Variants in DYNC1I1 observed in about 807,000 individuals in gnomAD.
DYNC1I1 encodes dynein cytoplasmic 1 intermediate chain 1.
In DYNC1I1, 43 loss-of-function variants were observed where a neutral mutation model predicts 86.6. The observed-to-expected ratio is 0.50, with a 90% CI of 0.39 to 0.64. The LOEUF (loss-of-function observed/expected upper bound fraction) is 0.64. Ranked by LOEUF, DYNC1I1 falls within the 30% of genes least tolerant of loss-of-function variation. The pLI is 0.00. For synonymous variants in DYNC1I1, 262 were observed against 283.7 expected, an observed-to-expected ratio of 0.92 and a Z score of 0.77; for missense variants, 604 against 788.8, an observed-to-expected ratio of 0.77 and a Z score of 2.81.
Position 96,098,285 on chromosome 7 carries a change from T to C in DYNC1I1, c.*692T>C. 2.0e-6 allele frequency: 2 copies of C among 985,892 alleles called. No homozygotes were observed. Among genetic ancestry groups the C allele is most frequent in the Non-Finnish European group, 2.4e-6 (2 of 829,946 alleles). 61.1% of individuals were successfully genotyped at this position (985,892 alleles called of 1,614,324 possible). A position where few individuals can be genotyped will look rare whatever the true frequency, so the allele number is the denominator to read the frequency against. ...TTGCAGTGAACGAAATGAATTTTAA[T>C]GCCTATTATTTCTGGGTACTTTAAC... On this transcript the variant is annotated 3_prime_UTR_variant, in exon 17 of 17. Coordinates refer to ENST00000447467, the MANE Select transcript of DYNC1I1 (RefSeq NM_001135556.2).
At chr7:96,023,257 T>A (rs555628683) in intron 10 of DYNC1I1, among the ~76,000 whole-genome samples, 3 of 152,132 alleles carry the variant, frequency 2.0e-5, no homozygotes, top group Non-Finnish European at 4.4e-5. Context: ...CTGAGGACCA[T>A]CCTCTCCCCA....
chr7:95,807,152 T>G (rs953335594), intron 2 of DYNC1I1, among the ~76,000 whole-genome samples: 1 of 152,276 alleles, frequency 6.6e-6, no homozygotes, highest in African/African-American at 2.4e-5. Flanking sequence ...ACATACATTT[T>G]TAGGATCTCT....
chr7:95,969,988 G>A lies in DYNC1I1; in HGVS notation c.491-7524G>A, dbSNP rs554058314. On this transcript the variant is annotated intron_variant, in intron 6 of 16. Coordinates refer to ENST00000447467, the MANE Select transcript of DYNC1I1 (RefSeq NM_001135556.2). ...TGTCTTTCCTGCATATTTTTAAAGC[G>A]TAGAGGCGCTCACCTTGGTTTGTGT... Among the ~76,000 whole-genome samples, 8 of 152,126 alleles carry A rather than the reference G, an allele frequency of 5.3e-5. No homozygotes were observed. The South Asian group carries it at 6.2e-4, about 12-fold the overall frequency.
At chr7:96,033,396 A>G (rs1204359437) in intron 12 of DYNC1I1, among the ~76,000 whole-genome samples, 2 of 152,224 alleles carry the variant, frequency 1.3e-5, no homozygotes, top group African/African-American at 2.4e-5. Flanking sequence ...AGAGGCTGTC[A>G]AAGGGAGACA....
rs1172579225 is a variant in DYNC1I1, at chr7:95,846,621, CTCTCTCTGTGTGTG to C, written c.374+18507_374+18520del. Among the ~76,000 whole-genome samples, 928 of 120,370 alleles carry C rather than the reference CTCTCTCTGTGTGTG, an allele frequency of 7.7e-3. 14 individuals carry two copies. The highest frequency in any genetic ancestry group is 0.029 in the African/African-American group (853 of 29,584). The allele number at this position is 120,370 out of a possible 152,430, so 79.0% of individuals were successfully genotyped here. ...CATTCTGAACATAAATGATAAATCT[CTCTCTCTGTGTGTG>C]TGTGTGTGTGTGTGTGTGTGTGTGT... On this transcript the variant is annotated intron_variant, in intron 5 of 16. Transcript: ENST00000447467.
rs148886545 is a variant in DYNC1I1, at chr7:95,888,286, A to G, written c.490+18288A>G. Among the ~76,000 whole-genome samples the G allele has an allele frequency of 2.0e-3, 305 of 152,208 alleles. 1 individual carries two copies. Among genetic ancestry groups the G allele is most frequent in the African/African-American group, 7.1e-3 (296 of 41,548 alleles). On this transcript the variant is annotated intron_variant, in intron 6 of 16. Transcript: ENST00000447467. Reference sequence around the variant, plus strand: ...CCCCATCTCCACAAAAAGTACAAAAATCTAGCTGAACGTGGTAGTGCACGC... The same window carrying G: ...CCCCATCTCCACAAAAAGTACAAAAGTCTAGCTGAACGTGGTAGTGCACGC...
chr7:95,792,229 A>G (rs918047574), intron 1 of DYNC1I1, among the ~76,000 whole-genome samples: 1 of 152,190 alleles, frequency 6.6e-6, no homozygotes, highest in African/African-American at 2.4e-5. Flanking sequence ...AACTACGTGC[A>G]GGGTACTCTA....
intron 5 of DYNC1I1, among the ~76,000 whole-genome samples, chr7:95,860,709 C>A (rs1463406345): frequency 1.3e-5 from 2 of 151,996 alleles, no homozygotes; most frequent in Non-Finnish European, 2.9e-5. Context: ...TTAGGAAGTC[C>A]AAGAACAAGG....
intron 1 of DYNC1I1, among the ~76,000 whole-genome samples, chr7:95,780,635 A>G (rs1056052603): frequency 1.5e-4 from 23 of 151,938 alleles, no homozygotes; most frequent in African/African-American, 5.6e-4. Flanking sequence ...AATAGTACCC[A>G]TTTCTTTGTC....
intron 6 of DYNC1I1, among the ~76,000 whole-genome samples, chr7:95,934,667 A>G (rs778418088): frequency 8.5e-5 from 13 of 152,094 alleles, no homozygotes; most frequent in African/African-American, 2.9e-4. Flanking sequence ...TCACCTGGTT[A>G]ACTGCCAATA....
chr7:95,977,573 T>C lies in DYNC1I1; in HGVS notation c.552T>C (p.Asn184=), dbSNP rs1197463270. ...SKVGQDSELE[N]QDKKQEVKEA... ...TTGGCCAGGACTCAGAACTGGAAAA[T>C]CAGGACAAAAAACAGGAAGTGAAGG... Residue 184 remains asparagine, a synonymous_variant, in exon 7 of 17, where the codon AAT becomes AAC. Transcript: ENST00000447467. The C allele has an allele frequency of 6.2e-6, 10 of 1,612,372 alleles. No individual in the cohort carries two copies. Among genetic ancestry groups the C allele is most frequent in the Non-Finnish European group, 7.6e-6 (9 of 1,179,370 alleles).
At position 96,076,108 on chromosome 7, in the gene DYNC1I1, G is replaced by C. The variant is rs754243136; in HGVS notation, c.1561G>C (p.Val521Leu). 2 of 1,614,136 alleles carry C rather than the reference G, an allele frequency of 1.2e-6. No homozygotes were observed. Among genetic ancestry groups the C allele is most frequent in the Non-Finnish European group, 1.7e-6 (2 of 1,180,022 alleles). The change falls in exon 15 of 17, where the codon GTC becomes CTC. Residue 521 changes from valine (V) to leucine (L), a missense_variant. Transcript: ENST00000447467. ...FEDNADYVYD[V>L]MWSPVHPALF... ...AGACAATGCAGACTATGTGTACGAT[G>C]TCATGTGGTCCCCCGTGCATCCTGC...
At chr7:95,781,028 G>T (rs1176242073) in intron 1 of DYNC1I1, among the ~76,000 whole-genome samples, 1 of 152,074 alleles carries the variant, frequency 6.6e-6, no homozygotes, top group East Asian at 1.9e-4. Flanking sequence ...CTTCTCTGCC[G>T]GCTTCCTTGA....
intron 1 of DYNC1I1, among the ~76,000 whole-genome samples, chr7:95,782,529 T>G (rs1584216241): frequency 6.6e-6 from 1 of 152,192 alleles, no homozygotes. Context: ...GACAGGCAGG[T>G]GCAGGAGCCA....
intron 6 of DYNC1I1, among the ~76,000 whole-genome samples, chr7:95,881,188 G>A (rs1452448913): frequency 6.6e-6 from 1 of 152,112 alleles, no homozygotes; most frequent in African/African-American, 2.4e-5. Flanking sequence ...TTGTAGAAGT[G>A]GATTACAGGG....
chr7:96,028,131 C>T (rs1210280795), intron 10 of DYNC1I1, 44 bp from the exon 11 acceptor site: 2 of 1,600,412 alleles, frequency 1.2e-6, no homozygotes, highest in Non-Finnish European at 1.7e-6. Context: ...CACCTACAAC[C>T]ATTTCACATT....
chr7:95,823,952 CTATATATA>C lies in DYNC1I1; in HGVS notation c.315-4085_315-4078del, dbSNP rs71127429. The stretch of plus-strand genomic sequence containing the variant: ...TTACTTTCAGATTTGTTCTACTAAA[CTATATATA>C]TATATATATATATATATATGTTTTG... On this transcript the variant is annotated intron_variant, in intron 4 of 16. Coordinates refer to ENST00000447467, the MANE Select transcript of DYNC1I1 (RefSeq NM_001135556.2). Among the ~76,000 whole-genome samples, 137 of 77,876 alleles carry C rather than the reference CTATATATA, an allele frequency of 1.8e-3. 6 individuals carry two copies. The highest frequency in any genetic ancestry group is 0.016 in the East Asian group (55 of 3,476). The allele number at this position is 77,876 out of a possible 152,430, so 51.1% of individuals were successfully genotyped here.
intron 6 of DYNC1I1, among the ~76,000 whole-genome samples, chr7:95,922,259 A>G (rs1009276824): frequency 6.6e-6 from 1 of 152,066 alleles, no homozygotes; most frequent in Non-Finnish European, 1.5e-5. Flanking sequence ...CTTCTGAAAC[A>G]TGCTGCGGTA....
At chr7:95,929,503 TAAC>T (rs1474383983) in intron 6 of DYNC1I1, among the ~76,000 whole-genome samples, 2 of 152,220 alleles carry the variant, frequency 1.3e-5, no homozygotes, top group African/African-American at 4.8e-5. Flanking sequence ...TGCTGCTCAT[TAAC>T]AATTGTGCTG....
Sources: gnomAD v4.1 joint callset for allele counts (sites outside exome capture counted in the v4.1 genomes callset) on GRCh38, gnomAD v4.1.1 for gene constraint, MANE v1.5 for transcripts, NCBI Gene and HGNC (gene_info 2026-07-23, HGNC 2026-07-21) for gene names.